Variants in SLC29A3 observed in about 807,000 individuals in gnomAD.
SLC29A3 encodes equilibrative nucleoside transporter 3.
Under a neutral mutation model 25.4 loss-of-function variants are expected in SLC29A3, and 18 were observed. The ratio of observed to expected loss-of-function variants is 0.71; its 90% CI spans 0.49 to 1.05. The LOEUF is 1.05. SLC29A3 is among the 50% of genes least tolerant of loss of function. The pLI, the probability that SLC29A3 is intolerant of heterozygous loss-of-function variation, is 0.00. For missense variants in SLC29A3, 586 were observed against 609.0 expected, an observed-to-expected ratio of 0.96 and a Z score of 0.40; for synonymous variants, 258 against 267.1, an observed-to-expected ratio of 0.97 and a Z score of 0.33.
At chr10:71,354,869 C>T (rs1384259333) in intron 4 of SLC29A3, among the ~76,000 whole-genome samples, 1 of 152,162 alleles carries the variant, frequency 6.6e-6, no homozygotes, top group East Asian at 1.9e-4. Context: ...AGTGTTAGCC[C>T]CACTTTCCAG....
intron 4 of SLC29A3, among the ~76,000 whole-genome samples, chr10:71,354,788 CTTG>C (rs1292286278): frequency 2.0e-5 from 3 of 152,202 alleles, no homozygotes; most frequent in Non-Finnish European, 2.9e-5. Flanking sequence ...TGGTGTTGGC[CTTG>C]TTGTCAGTGC....
chr10:71,334,956 CTTT>C (rs59654006), intron 2 of SLC29A3, among the ~76,000 whole-genome samples: 12 of 129,312 alleles, frequency 9.3e-5, no homozygotes, highest in Admixed American at 1.6e-4. Flanking sequence ...CTTTTTTTTT[CTTT>C]TTTTTTTTTT....
chr10:71,343,793 TAAAAAC>T (rs1846480726), intron 2 of SLC29A3, among the ~76,000 whole-genome samples: 3 of 152,120 alleles, frequency 2.0e-5, no homozygotes, highest in Admixed American at 1.3e-4. Flanking sequence ...ACTAAAAACT[TAAAAAC>T]AAAAACGTGG....
chr10:71,345,733 G>C (rs545532878), intron 3 of SLC29A3, among the ~76,000 whole-genome samples: 1 of 152,218 alleles, frequency 6.6e-6, no homozygotes, highest in African/African-American at 2.4e-5. Context: ...TGCGGAGACC[G>C]CCACCCCAGG....
chr10:71,331,767 T>C (rs1846123133), intron 2 of SLC29A3, among the ~76,000 whole-genome samples: 1 of 152,254 alleles, frequency 6.6e-6, no homozygotes, highest in African/African-American at 2.4e-5. Context: ...ATGCGTCATG[T>C]CCTCATTCCA....
intron 2 of SLC29A3, among the ~76,000 whole-genome samples, chr10:71,336,272 G>A (rs1163771013): frequency 2.0e-5 from 3 of 152,082 alleles, no homozygotes; most frequent in Non-Finnish European, 4.4e-5. Context: ...AAGCATGTCT[G>A]CAAAGACCCT....
intron 4 of SLC29A3, 144 bp downstream of exon 4, chr10:71,351,932 C>A (rs936456208): frequency 1.0e-5 from 8 of 796,142 alleles, no homozygotes; most frequent in Admixed American, 2.0e-5. Flanking sequence ...TGTTGTAGAA[C>A]AACAACGGTC....
intron 2 of SLC29A3, among the ~76,000 whole-genome samples, chr10:71,335,854 C>T (rs1210213077): frequency 6.6e-6 from 1 of 151,914 alleles, no homozygotes; most frequent in African/African-American, 2.4e-5. Flanking sequence ...TCTCCTACCA[C>T]CACCCCCACC....
rs202004912 is a variant in SLC29A3, at chr10:71,362,401, G to A, written c.1221G>A (p.Val407=). Residue 407 remains valine, a synonymous_variant, in exon 6 of 6, where the codon GTG becomes GTA. Transcript: ENST00000373189. ...NYQPRVHLKT[V]VFQSDVYPAL... ...AGCCCCGCGTCCACCTGAAGACTGT[G>A]GTCTTCCAGTCCGATGTGTACCCCG... 1.9e-6 allele frequency: 3 copies of A among 1,614,156 alleles called. No homozygotes were observed. The highest frequency in any genetic ancestry group is 2.2e-5 in the South Asian group (2 of 91,086).
chr10:71,351,716 A>G lies in SLC29A3; in HGVS notation c.538A>G (p.Thr180Ala). The change falls in exon 4 of 6, where the codon ACT becomes GCT. Residue 180 changes from threonine (T) to alanine (A), a missense_variant. By Grantham distance (58) the Thr-to-Ala change is moderately conservative (BLOSUM62 0). Coordinates refer to ENST00000373189, the MANE Select transcript of SLC29A3 (RefSeq NM_018344.6). The stretch of plus-strand genomic sequence containing the variant: ...CATGGTGATCCTCAGCGGTGCCTCC[A>G]CTGTCTTCAGCAGCAGCATCTACGG... ...VCMVILSGASTVFSSSIYGMT... is the reference protein window; with the variant it reads ...VCMVILSGASAVFSSSIYGMT... 1.2e-6 allele frequency: 2 copies of G among 1,614,126 alleles called. No individual in the cohort carries two copies. Among genetic ancestry groups the G allele is most frequent in the South Asian group, 1.1e-5 (1 of 91,074 alleles).
Position 71,362,478 on chromosome 10 carries a change from C to T in SLC29A3, c.1298C>T (p.Ala433Val). 1 of 1,614,220 alleles carries T rather than the reference C, an allele frequency of 6.2e-7. No individual in the cohort carries two copies. The highest frequency in any genetic ancestry group is 8.5e-7 in the Non-Finnish European group (1 of 1,180,054). The change falls in exon 6 of 6, where the codon GCC becomes GTC. Residue 433 changes from alanine (A) to valine (V), a missense_variant. Transcript: ENST00000373189. Reference sequence around the variant, plus strand: ...AGCAACGGCTACCTCAGCACCCTGGCCCTCCTCTACGGGCCTAAGATTGTG... The same window carrying T: ...AGCAACGGCTACCTCAGCACCCTGGTCCTCCTCTACGGGCCTAAGATTGTG... ...GLSNGYLSTL[A>V]LLYGPKIVPR...
intron 4 of SLC29A3, among the ~76,000 whole-genome samples, chr10:71,355,596 G>A (rs960967337): frequency 2.1e-4 from 32 of 152,184 alleles, no homozygotes; most frequent in African/African-American, 6.5e-4. Context: ...TGGCCTCTGG[G>A]CAGCAGGGGA....
intron 1 of SLC29A3, among the ~76,000 whole-genome samples, chr10:71,320,654 G>A (rs1845827840): frequency 1.3e-5 from 2 of 152,206 alleles, no homozygotes; most frequent in South Asian, 2.1e-4. Flanking sequence ...CTAACCAGGG[G>A]AGTTTAAAAT....
At chr10:71,361,791 C>T (rs911552873) in intron 5 of SLC29A3, among the ~76,000 whole-genome samples, 163 bp from the exon 6 acceptor site, 3 of 152,176 alleles carry the variant, frequency 2.0e-5, no homozygotes, top group South Asian at 2.1e-4. Context: ...CTGGCCACCC[C>T]GTGACAGCAT....
chr10:71,335,836 G>A (rs1272962786), intron 2 of SLC29A3, among the ~76,000 whole-genome samples: 1 of 152,048 alleles, frequency 6.6e-6, no homozygotes, highest in East Asian at 1.9e-4. Flanking sequence ...AGCCAGGGGA[G>A]GTGAGCTTCT....
At chr10:71,322,126 C>A (rs976850333) in intron 1 of SLC29A3, among the ~76,000 whole-genome samples, 5 of 151,866 alleles carry the variant, frequency 3.3e-5, no homozygotes, top group Non-Finnish European at 5.9e-5. Flanking sequence ...GCAGGGAAGT[C>A]CCCCTCCCCG....
At chr10:71,334,133 G>GT (rs1309688340) in intron 2 of SLC29A3, among the ~76,000 whole-genome samples, 1 of 152,190 alleles carries the variant, frequency 6.6e-6, no homozygotes, top group Non-Finnish European at 1.5e-5. Context: ...TTGAGACCAT[G>GT]TCCTCCTTTG....
At chr10:71,355,927 C>A (rs1481185553) in intron 4 of SLC29A3, among the ~76,000 whole-genome samples, 154 bp from the exon 5 acceptor site, 1 of 152,230 alleles carries the variant, frequency 6.6e-6, no homozygotes, top group Non-Finnish European at 1.5e-5. Context: ...TGGGCCCTCC[C>A]TGTCTCTGAG....
At chr10:71,377,714 G>A (rs1406826042) in intron 4 of SLC29A3, among the ~76,000 whole-genome samples, 7 of 152,256 alleles carry the variant, frequency 4.6e-5, no homozygotes, top group Non-Finnish European at 8.8e-5. Context: ...CTTGGAGGAA[G>A]ATCGTCAAGG....
Sources: gnomAD v4.1 joint callset for allele counts (sites outside exome capture counted in the v4.1 genomes callset) on GRCh38, gnomAD v4.1.1 for gene constraint, MANE v1.5 for transcripts, NCBI Gene and HGNC (gene_info 2026-07-23, HGNC 2026-07-21) for gene names.